Variants in GINS3 observed in about 807,000 individuals in gnomAD.
GINS3 encodes the protein GINS complex subunit 3.
In GINS3, 18 loss-of-function variants were observed where a neutral mutation model predicts 20.0. The observed-to-expected ratio is 0.90, with a 90% confidence interval of 0.62 to 1.33. The LOEUF is 1.33. Among genes scored for constraint, GINS3 ranks in the 40% most tolerant of loss-of-function variants. The probability of loss-of-function intolerance (pLI) is 0.00; values close to 1 mark genes in which losing one functional copy is unlikely to be tolerated. For synonymous variants in GINS3, 109 were observed against 107.0 expected, an observed-to-expected ratio of 1.02 and a Z score of -0.12; for missense variants, 254 against 273.6, an observed-to-expected ratio of 0.93 and a Z score of 0.51.
In GINS3 at chr16:58,396,794, G is replaced by A. The variant is rs565691034; in HGVS notation, c.186+4007G>A. Among the ~76,000 whole-genome samples the A allele has an allele frequency of 4.7e-3, 628 of 134,834 alleles. 6 individuals are homozygous for A. The highest frequency in any genetic ancestry group is 0.017 in the African/African-American group (586 of 33,896). 88.5% of individuals were successfully genotyped at this position (134,834 alleles called of 152,430 possible). A position where few individuals can be genotyped will look rare whatever the true frequency, so the allele number is the denominator to read the frequency against. ...CCCCCACCTCCTTCCCGGACAGGGCGGCTGGCCGGGCAGAGGGGCTCCTCA... is the reference window on the plus strand; with the variant it reads ...CCCCCACCTCCTTCCCGGACAGGGCAGCTGGCCGGGCAGAGGGGCTCCTCA... On this transcript the variant is annotated intron_variant, in intron 1 of 2. Coordinates refer to ENST00000318129, the MANE Select transcript of GINS3 (RefSeq NM_022770.4).
Position 58,404,567 on chromosome 16 carries a change from C to T in GINS3, c.489C>T (p.Ala163=), listed in dbSNP as rs1186801092. The T allele has an allele frequency of 1.1e-5, 18 of 1,614,150 alleles. No individual in the cohort carries two copies. The highest frequency in any genetic ancestry group is 5.0e-5 in the Admixed American group (3 of 60,022). The change falls in exon 3 of 3, where the codon GCC becomes GCT. Residue 163 remains alanine (A), a synonymous_variant. Transcript: ENST00000318129. ...SQNAYNEDTS[A]LVARLDEMER... ...ATGCTTACAACGAAGACACTTCAGCCCTGGTAGCCAGGCTAGACGAGATGG... is the reference window on the plus strand; with the variant it reads ...ATGCTTACAACGAAGACACTTCAGCTCTGGTAGCCAGGCTAGACGAGATGG...
intron 1 of GINS3, among the ~76,000 whole-genome samples, chr16:58,402,267 C>T (rs142557540): frequency 1.3e-5 from 2 of 152,222 alleles, no homozygotes; most frequent in East Asian, 1.9e-4. Context: ...TTAAAGTTGG[C>T]GCCTAATTTC....
chr16:58,396,319 CACTT>C (rs1965856862), intron 1 of GINS3, among the ~76,000 whole-genome samples: 1 of 129,036 alleles, frequency 7.7e-6, no homozygotes, highest in South Asian at 2.6e-4. Flanking sequence ...AGGGGCTCCT[CACTT>C]ACCAGTAGGG....
intron 2 of GINS3, chr16:58,404,239 T>C (rs11648876): frequency 0.081 from 36,995 of 455,458 alleles, 2,232 homozygotes; most frequent in African/African-American, 0.22. Flanking sequence ...TGCTAGCCAT[T>C]TGCTAGGTGC....
intron 1 of GINS3, among the ~76,000 whole-genome samples, chr16:58,393,102 A>G (rs375059930): frequency 5.9e-5 from 9 of 152,208 alleles, no homozygotes; most frequent in African/African-American, 2.2e-4. Context: ...CGTGTGTTGA[A>G]TGCTTAAAGA....
In GINS3 at chr16:58,392,598, C is replaced by G. The variant is rs1296744583; in HGVS notation, c.-4C>G. 6.2e-7 allele frequency: 1 copy of G among 1,613,556 alleles called. No individual in the cohort carries two copies. Among genetic ancestry groups the G allele is most frequent in the Non-Finnish European group, 8.5e-7 (1 of 1,179,538 alleles). The stretch of plus-strand genomic sequence containing the variant: ...GTGGAAGCGGAGAAGCTCAAGTGGC[C>G]GCCATGTCAGAGGCTTATTTCCGAG... On this transcript the variant is annotated 5_prime_UTR_variant, in exon 1 of 3. Coordinates refer to ENST00000318129, the MANE Select transcript of GINS3 (RefSeq NM_022770.4).
At chr16:58,395,893 TCCC>T (rs2151491823) in intron 1 of GINS3, among the ~76,000 whole-genome samples, 1 of 151,332 alleles carries the variant, frequency 6.6e-6, no homozygotes, top group East Asian at 2.0e-4. Flanking sequence ...GCTCCTCACT[TCCC>T]AGTAGGGGCG....
chr16:58,395,753 C>T (rs1596955187), intron 1 of GINS3, among the ~76,000 whole-genome samples: 3 of 152,278 alleles, frequency 2.0e-5, no homozygotes, highest in Non-Finnish European at 4.4e-5. Flanking sequence ...ACACAGCAAC[C>T]ATCCGATTTC....
chr16:58,404,815 G>T lies in GINS3; in HGVS notation c.*86G>T. The T allele has an allele frequency of 1.1e-6, 1 of 911,394 alleles. No individual in the cohort carries two copies. Among genetic ancestry groups the T allele is most frequent in the South Asian group, 1.5e-5 (1 of 64,572 alleles). 56.5% of individuals were successfully genotyped at this position (911,394 alleles called of 1,614,324 possible). A position where few individuals can be genotyped will look rare whatever the true frequency, so the allele number is the denominator to read the frequency against. Reference sequence around the variant, plus strand: ...AGCTGGTTGACCTTGTACAGAACCAGAATCCTGTCCCATTTCATGGCTTAT... The same window carrying T: ...AGCTGGTTGACCTTGTACAGAACCATAATCCTGTCCCATTTCATGGCTTAT... On this transcript the variant is annotated 3_prime_UTR_variant, in exon 3 of 3. Transcript: ENST00000318129.
Position 58,405,146 on chromosome 16 carries a change from C to G in GINS3, c.*417C>G, listed in dbSNP as rs907116060. 1 of 177,596 alleles carries G rather than the reference C, an allele frequency of 5.6e-6. No homozygotes were observed. The highest frequency in any genetic ancestry group is 5.5e-5 in the Admixed American group (1 of 18,074). 11.0% of individuals were successfully genotyped at this position (177,596 alleles called of 1,614,324 possible). On this transcript the variant is annotated 3_prime_UTR_variant, in exon 3 of 3. Transcript: ENST00000318129. The stretch of plus-strand genomic sequence containing the variant: ...GGTCATCGCCTGTTCACAAAATGCT[C>G]TCTTGATCTTATTTGCCTCATCTTC...
intron 1 of GINS3, chr16:58,393,798 C>A (rs568435127): frequency 1.3e-5 from 2 of 149,518 alleles, no homozygotes; most frequent in East Asian, 3.9e-4. Context: ...CCACTGCACT[C>A]CAGCCTGGCG....
At chr16:58,402,830 G>A in intron 1 of GINS3, 1 of 509,584 alleles carries the variant, frequency 2.0e-6, no homozygotes, top group East Asian at 3.5e-5. Context: ...ATTTTTATGT[G>A]TTAGTTAGAA....
chr16:58,398,987 T>C (rs1965918540), intron 1 of GINS3, among the ~76,000 whole-genome samples: 2 of 152,156 alleles, frequency 1.3e-5, no homozygotes, highest in Admixed American at 1.3e-4. Context: ...TCTCTATCCT[T>C]GCAATTTTTT....
chr16:58,401,888 A>G (rs186976786), intron 1 of GINS3, among the ~76,000 whole-genome samples: 1 of 152,282 alleles, frequency 6.6e-6, no homozygotes, highest in African/African-American at 2.4e-5. Flanking sequence ...TATTCTATTA[A>G]TACTTGTTAT....
chr16:58,394,182 T>C (rs1195672441), intron 1 of GINS3, among the ~76,000 whole-genome samples: 1 of 152,152 alleles, frequency 6.6e-6, no homozygotes, highest in Non-Finnish European at 1.5e-5. Context: ...GATACCACAC[T>C]GCATTTAGTA....
At chr16:58,392,869 C>A in intron 1 of GINS3, 82 bp downstream of exon 1, 2 of 1,362,322 alleles carry the variant, frequency 1.5e-6, no homozygotes, top group African/African-American at 1.5e-5. Context: ...CGCATCGGGG[C>A]GCGCTGCCCT....
chr16:58,404,610 A>C lies in GINS3; in HGVS notation c.532A>C (p.Thr178Pro), dbSNP rs770601252. 15 of 1,614,040 alleles carry C rather than the reference A, an allele frequency of 9.3e-6. No individual in the cohort carries two copies. In the Admixed American group the frequency reaches 2.5e-4, roughly 27 times the overall value. ...CGAGATGGAGAGGGGCTTATTTCAA[A>C]CAGGGCAGAAAGGACTGAATGACTT... ...LDEMERGLFQ[T>P]GQKGLNDFQC... Residue 178 changes from threonine to proline, a missense_variant, in exon 3 of 3, where the codon ACA becomes CCA. By Grantham distance (38) the Thr-to-Pro change is conservative. Coordinates refer to ENST00000318129, the MANE Select transcript of GINS3 (RefSeq NM_022770.4).
In GINS3 at chr16:58,392,507, C is replaced by G. The variant is rs1016420936; in HGVS notation, c.-95C>G. On this transcript the variant is annotated 5_prime_UTR_variant, in exon 1 of 3. In the 5' UTR this introduces an upstream ATG that the reference lacks. Coordinates refer to ENST00000318129, the MANE Select transcript of GINS3 (RefSeq NM_022770.4). ...AATCCACTTTCCTGACCCCAACCATCCTGCCCAGTCTCCGCTTCCCCGTCT... is the reference window on the plus strand; with the variant it reads ...AATCCACTTTCCTGACCCCAACCATGCTGCCCAGTCTCCGCTTCCCCGTCT... 5.8e-6 allele frequency: 8 copies of G among 1,386,950 alleles called. No individual in the cohort carries two copies. The African/African-American group carries it at 8.6e-5, about 15-fold the overall frequency. 85.9% of individuals were successfully genotyped at this position (1,386,950 alleles called of 1,614,324 possible). A position where few individuals can be genotyped will look rare whatever the true frequency, so the allele number is the denominator to read the frequency against.
At chr16:58,396,194 C>G (rs1315709381) in intron 1 of GINS3, among the ~76,000 whole-genome samples, 1 of 129,744 alleles carries the variant, frequency 7.7e-6, no homozygotes, top group Non-Finnish European at 1.7e-5. Context: ...GGGCTCCTCA[C>G]TTACCAGTAG....
Sources: gnomAD v4.1 joint callset for allele counts (sites outside exome capture counted in the v4.1 genomes callset) on GRCh38, gnomAD v4.1.1 for gene constraint, MANE v1.5 for transcripts, NCBI Gene and HGNC (gene_info 2026-07-23, HGNC 2026-07-21) for gene names.